Variants in OGDH observed in about 807,000 individuals in gnomAD.
OGDH encodes 2-oxoglutarate dehydrogenase complex component E1.
Under a neutral mutation model 116.6 loss-of-function variants are expected in OGDH, and 38 were observed. The ratio of observed to expected loss-of-function variants is 0.33; its 90% CI spans 0.25 to 0.43. The LOEUF is 0.43. OGDH is among the 20% of genes least tolerant of loss of function. The pLI is 1.00. For missense variants in OGDH, 825 were observed against 1,357.2 expected, an observed-to-expected ratio of 0.61 and a Z score of 6.16; for synonymous variants, 488 against 533.3, an observed-to-expected ratio of 0.92 and a Z score of 1.17.
intron 4 of OGDH, among the ~76,000 whole-genome samples, chr7:44,654,068 T>C (rs935861423): frequency 3.9e-5 from 6 of 152,202 alleles, no homozygotes; most frequent in Admixed American, 2.0e-4. Flanking sequence ...TTGTCCAGCC[T>C]GGTCTCAAAC....
intron 4 of OGDH, chr7:44,656,326 G>A: frequency 6.5e-7 from 1 of 1,535,988 alleles, no homozygotes; most frequent in Non-Finnish European, 8.7e-7. Flanking sequence ...AGATCTTGCA[G>A]TTTTCAAGGA....
intron 2 of OGDH, among the ~76,000 whole-genome samples, chr7:44,635,434 G>T (rs1402380401): frequency 6.6e-6 from 1 of 152,154 alleles, no homozygotes; most frequent in African/African-American, 2.4e-5. Flanking sequence ...ACCGGAGCCT[G>T]CCCCACCCGC....
intron 2 of OGDH, among the ~76,000 whole-genome samples, chr7:44,632,339 C>T (rs1389434669): frequency 6.6e-6 from 1 of 152,116 alleles, no homozygotes; most frequent in East Asian, 1.9e-4. Flanking sequence ...ATTACCCATA[C>T]TGGAGTGCAG....
At chr7:44,690,685 C>A (rs7805156) in intron 10 of OGDH, among the ~76,000 whole-genome samples, 1 of 152,090 alleles carries the variant, frequency 6.6e-6, no homozygotes, top group African/African-American at 2.4e-5. Flanking sequence ...GTCATGTGTG[C>A]TGCCATCCAT....
At chr7:44,649,693 A>G (rs1208391883) in intron 4 of OGDH, among the ~76,000 whole-genome samples, 1 of 152,116 alleles carries the variant, frequency 6.6e-6, no homozygotes, top group Non-Finnish European at 1.5e-5. Flanking sequence ...TAATATCAAG[A>G]GGGGCCACAC....
At chr7:44,701,374 C>T (rs1455519024) in intron 19 of OGDH, among the ~76,000 whole-genome samples, 169 bp from the exon 20 acceptor site, 4 of 152,152 alleles carry the variant, frequency 2.6e-5, no homozygotes, top group Admixed American at 2.6e-4. Context: ...AATTGGTCAT[C>T]TTTCCTTTTC....
intron 2 of OGDH, among the ~76,000 whole-genome samples, chr7:44,642,355 T>C (rs1585270363): frequency 6.6e-6 from 1 of 151,274 alleles, no homozygotes; most frequent in Non-Finnish European, 1.5e-5. Context: ...GCCCCGGAGG[T>C]GGGGGTTACA....
chr7:44,633,265 A>AAC (rs1056738882), intron 2 of OGDH, among the ~76,000 whole-genome samples: 1 of 151,122 alleles, frequency 6.6e-6, no homozygotes, highest in African/African-American at 2.4e-5. Context: ...AAAAAAAAAA[A>AAC]AAAAAAAAAC....
At chr7:44,635,103 T>A (rs1785605286) in intron 2 of OGDH, among the ~76,000 whole-genome samples, 1 of 152,104 alleles carries the variant, frequency 6.6e-6, no homozygotes, top group Non-Finnish European at 1.5e-5. Context: ...AGGAAAAGAA[T>A]GAGTTGTTGG....
intron 1 of OGDH, among the ~76,000 whole-genome samples, chr7:44,607,992 C>T (rs1403232113): frequency 6.0e-5 from 8 of 133,610 alleles, no homozygotes; most frequent in Non-Finnish European, 1.2e-4. Flanking sequence ...TGAGCCACTG[C>T]GCCCGGCCCC....
intron 4 of OGDH, among the ~76,000 whole-genome samples, chr7:44,658,013 G>A (rs1010072825): frequency 1.3e-5 from 2 of 152,046 alleles, no homozygotes; most frequent in African/African-American, 4.8e-5. Context: ...TTTTTCCATC[G>A]ATACCACAGT....
intron 20 of OGDH, among the ~76,000 whole-genome samples, chr7:44,703,445 C>T (rs1321172193): frequency 6.6e-6 from 1 of 151,570 alleles, no homozygotes; most frequent in Non-Finnish European, 1.5e-5. Flanking sequence ...ATAGGCTGGG[C>T]CCAGTGGCTT....
intron 2 of OGDH, among the ~76,000 whole-genome samples, chr7:44,642,937 T>TAAA (rs1562634089): frequency 1.5e-5 from 2 of 136,478 alleles, no homozygotes; most frequent in African/African-American, 6.5e-5. Flanking sequence ...AAAAAAAAAT[T>TAAA]TTTAAATATA....
chr7:44,640,210 G>A (rs142596262), intron 2 of OGDH, among the ~76,000 whole-genome samples: 1 of 152,300 alleles, frequency 6.6e-6, no homozygotes, highest in Non-Finnish European at 1.5e-5. Context: ...TTAAGCTAGG[G>A]TAAGAGGCAC....
Position 44,707,849 on chromosome 7 carries a change from C to A in OGDH, c.2952-30C>A. 1 of 1,609,542 alleles carries A rather than the reference C, an allele frequency of 6.2e-7. No homozygotes were observed. The highest frequency in any genetic ancestry group is 1.1e-5 in the South Asian group (1 of 90,432). ...GGCTGGGCCAACTCAGTGTCCCCTG[C>A]CCTCACTGCCCCCTCCCTCCATCTC... On this transcript the variant is annotated intron_variant, in intron 22 of 22. Coordinates refer to ENST00000222673, the MANE Select transcript of OGDH (RefSeq NM_002541.4). This position sits in a 1 kb window ranked among gnomAD's most constrained non-coding sequence, Gnocchi z 5.2.
At chr7:44,644,164 C>T (rs1056333550) in intron 2 of OGDH, among the ~76,000 whole-genome samples, 1 of 152,226 alleles carries the variant, frequency 6.6e-6, no homozygotes, top group African/African-American at 2.4e-5. Context: ...AAGATCATGC[C>T]ACCACACTGC....
Position 44,676,081 on chromosome 7 carries a change from G to T in OGDH, c.1138G>T (p.Ala380Ser), listed in dbSNP as rs1372430879. ...GGCCAACCCTTCCCACCTTGAGGCC[G>T]CTGACCCCGTGGTGATGGGCAAGAC... ...LVANPSHLEA[A>S]DPVVMGKTKA... The change falls in exon 9 of 23, where the codon GCT becomes TCT. Residue 380 changes from alanine to serine, a missense_variant. Physicochemically the swap from Ala to Ser is moderately conservative, Grantham distance 99 (BLOSUM62 1). This residue lies in a region of OGDH where 146 missense variants were observed against 317.3 expected (regional missense o/e 0.46). Coordinates refer to ENST00000222673, the MANE Select transcript of OGDH (RefSeq NM_002541.4). 6.2e-7 allele frequency: 1 copy of T among 1,613,862 alleles called. No individual in the cohort carries two copies. The highest frequency in any genetic ancestry group is 1.3e-5 in the African/African-American group (1 of 74,844).
At chr7:44,656,943 C>T (rs576082412) in intron 4 of OGDH, among the ~76,000 whole-genome samples, 68 of 152,342 alleles carry the variant, frequency 4.5e-4, no homozygotes, top group African/African-American at 1.6e-3. Context: ...CTGTTGTCAT[C>T]CACCCTGGTG....
At chr7:44,691,981 T>TTAAAAAAA (rs1228471357) in intron 10 of OGDH, among the ~76,000 whole-genome samples, 17 of 102,604 alleles carry the variant, frequency 1.7e-4, no homozygotes, top group African/African-American at 7.0e-4. Context: ...GACTCTGTCT[T>TTAAAAAAA]AAAAAAAAAA....
Sources: gnomAD v4.1 joint callset for allele counts (sites outside exome capture counted in the v4.1 genomes callset) on GRCh38, gnomAD v4.1.1 for gene constraint, gnomAD v4.1.1 regional missense constraint, Gnocchi (gnomAD v3.1) non-coding constraint, MANE v1.5 for transcripts, NCBI Gene and HGNC (gene_info 2026-07-23, HGNC 2026-07-21) for gene names.